BTBD7: variants seen among roughly 807,000 people sequenced by gnomAD.
BTBD7 encodes BTB/POZ domain-containing protein 7.
Under a neutral mutation model 99.9 loss-of-function variants are expected in BTBD7, and 38 were observed. That is an observed-to-expected ratio of 0.38 (90% CI 0.29 to 0.50). The LOEUF is 0.50. Among genes scored for constraint, BTBD7 ranks in the 20% least tolerant of loss-of-function variants. The pLI is 0.93. For synonymous variants in BTBD7, 520 were observed against 511.4 expected, an observed-to-expected ratio of 1.02 and a Z score of -0.23; for missense variants, 1,170 against 1,394.6, an observed-to-expected ratio of 0.84 and a Z score of 2.57.
intron 1 of BTBD7, 109 bp downstream of exon 1, chr14:93,332,711 G>A (rs1426383265): frequency 6.8e-6 from 9 of 1,322,306 alleles, no homozygotes; most frequent in South Asian, 1.9e-5. Flanking sequence ...CTTGGCCCCA[G>A]CCCCGGCGCC....
intron 5 of BTBD7, 37 bp from the exon 6 acceptor site, chr14:93,257,392 C>T: frequency 6.4e-7 from 1 of 1,570,952 alleles, no homozygotes; most frequent in Non-Finnish European, 8.6e-7. Context: ...CAACCAAATC[C>T]AAATGTTCTG....
At position 93,293,965 on chromosome 14, in the gene BTBD7, C is replaced by T; in HGVS notation, c.1055G>A (p.Ser352Asn). 5 of 1,613,776 alleles carry T rather than the reference C, an allele frequency of 3.1e-6. No individual in the cohort carries two copies. The highest frequency in any genetic ancestry group is 1.1e-5 in the South Asian group (1 of 91,070). Reference sequence around the variant, plus strand: ...CCCTGCGACGAGAGCCTGAACTTCACTGAGACTCCCCACAGAGGGGCTACA... The same window carrying T: ...CCCTGCGACGAGAGCCTGAACTTCATTGAGACTCCCCACAGAGGGGCTACA... ...LHCSPSVGSL[S>N]EVQALVAGKP... The change falls in exon 3 of 11, where the codon AGT becomes AAT. Residue 352 changes from serine (S) to asparagine (N), a missense_variant. Physicochemically the swap from Ser to Asn is conservative, Grantham distance 46. This residue lies in a region of BTBD7 where 359 missense variants were observed against 497.9 expected (regional missense o/e 0.72). Coordinates refer to ENST00000334746, the MANE Select transcript of BTBD7 (RefSeq NM_001002860.4).
At chr14:93,248,768 G>T in intron 8 of BTBD7, 114 bp from the exon 9 acceptor site, 1 of 968,774 alleles carries the variant, frequency 1.0e-6, no homozygotes, top group Non-Finnish European at 1.5e-6. Context: ...AAGTTTTTAA[G>T]ATAGTATCTT....
intron 1 of BTBD7, among the ~76,000 whole-genome samples, chr14:93,325,051 T>TGG: frequency 6.6e-6 from 1 of 152,012 alleles, no homozygotes; most frequent in South Asian, 2.1e-4. Context: ...AGTCTGGACT[T>TGG]TATCGACAAG....
chr14:93,316,653 T>C lies in BTBD7; in HGVS notation c.-107+16167A>G, dbSNP rs558751679. On this transcript the variant is annotated intron_variant, in intron 1 of 10. Coordinates refer to ENST00000334746, the MANE Select transcript of BTBD7 (RefSeq NM_001002860.4). ...TATTCACTGTTGTATCTCCAGTGCC[T>C]AGAACTGTGTCTGGCAAATATAGTA... 2.0e-5 allele frequency among the ~76,000 whole-genome samples: 3 copies of C among 152,378 alleles called. No individual in the cohort carries two copies. The South Asian group carries it at 6.2e-4, about 32-fold the overall frequency.
intron 1 of BTBD7, among the ~76,000 whole-genome samples, chr14:93,311,155 C>T (rs2053133343): frequency 6.6e-6 from 1 of 152,174 alleles, no homozygotes; most frequent in Non-Finnish European, 1.5e-5. Context: ...AATAGACTTA[C>T]ATCTATGTGA....
At chr14:93,288,681 A>G in intron 3 of BTBD7, 3 of 1,573,548 alleles carry the variant, frequency 1.9e-6, no homozygotes, top group Non-Finnish European at 1.7e-6. Context: ...TCTGCTGCAC[A>G]GGCAGGCCTG....
At chr14:93,326,180 G>A (rs545128120) in intron 1 of BTBD7, among the ~76,000 whole-genome samples, 1 of 152,278 alleles carries the variant, frequency 6.6e-6, no homozygotes, top group South Asian at 2.1e-4. Flanking sequence ...TTGAAATTAT[G>A]CCTCAGCTGG....
In BTBD7 at chr14:93,332,882, C is replaced by A; in HGVS notation, c.-169G>T. 1 of 1,454,412 alleles carries A rather than the reference C, an allele frequency of 6.9e-7. No individual in the cohort carries two copies. The highest frequency in any genetic ancestry group is 9.1e-7 in the Non-Finnish European group (1 of 1,101,408). 90.1% of individuals were successfully genotyped at this position (1,454,412 alleles called of 1,614,324 possible). The stretch of plus-strand genomic sequence containing the variant: ...ACCGCTGCCGTCGCCTCCGCCGCCG[C>A]CGCCACCAGCACCGCCGTCCGCACC... On this transcript the variant is annotated 5_prime_UTR_variant, in exon 1 of 11. Transcript: ENST00000334746.
intron 3 of BTBD7, among the ~76,000 whole-genome samples, chr14:93,276,632 G>A (rs2052659097): frequency 6.6e-6 from 1 of 152,170 alleles, no homozygotes; most frequent in Non-Finnish European, 1.5e-5. Context: ...CTATCTACCT[G>A]GAGAACATTA....
At chr14:93,326,361 G>C (rs2053331102) in intron 1 of BTBD7, among the ~76,000 whole-genome samples, 1 of 152,170 alleles carries the variant, frequency 6.6e-6, no homozygotes, top group Non-Finnish European at 1.5e-5. Context: ...CAGGTGCTCA[G>C]GAGGCTGAGG....
intron 1 of BTBD7, among the ~76,000 whole-genome samples, chr14:93,311,491 A>AT (rs2139804991): frequency 6.6e-6 from 1 of 152,340 alleles, no homozygotes; most frequent in African/African-American, 2.4e-5. Flanking sequence ...ATATACACAC[A>AT]TATCTACATA....
intron 1 of BTBD7, among the ~76,000 whole-genome samples, chr14:93,322,637 T>A (rs1359074514): frequency 1.3e-5 from 2 of 152,144 alleles, no homozygotes; most frequent in Non-Finnish European, 2.9e-5. Flanking sequence ...AATGAGTAAT[T>A]TTACAGATGT....
rs557014129 is a variant in BTBD7 at position 93,286,670 on chromosome 14, C to T, written c.1162+7188G>A. Among the ~76,000 whole-genome samples, 3 of 152,266 alleles carry T rather than the reference C, an allele frequency of 2.0e-5. No homozygotes were observed. In the South Asian group the frequency reaches 6.2e-4, roughly 32 times the overall value. On this transcript the variant is annotated intron_variant, in intron 3 of 10. Coordinates refer to ENST00000334746, the MANE Select transcript of BTBD7 (RefSeq NM_001002860.4). ...CTCCTACCATGCCCAAATTCCTGAG[C>T]CTAGAGTCAGAAGAGCTGGTATGAG...
chr14:93,317,030 T>TA (rs2053215288), intron 1 of BTBD7, among the ~76,000 whole-genome samples: 1 of 152,218 alleles, frequency 6.6e-6, no homozygotes, highest in Non-Finnish European at 1.5e-5. Context: ...TTTCCAAACT[T>TA]AATCACAGAA....
At chr14:93,302,353 G>A (rs1306339514) in intron 1 of BTBD7, among the ~76,000 whole-genome samples, 1 of 152,124 alleles carries the variant, frequency 6.6e-6, no homozygotes. Context: ...AAATGCTAGT[G>A]GGGGTGAGCT....
At chr14:93,284,275 C>T (rs1204692550) in intron 3 of BTBD7, among the ~76,000 whole-genome samples, 2 of 152,152 alleles carry the variant, frequency 1.3e-5, no homozygotes, top group Non-Finnish European at 2.9e-5. Context: ...GTTGATGAGA[C>T]AGGTTTTCTG....
chr14:93,295,345 G>A (rs1285548352), intron 2 of BTBD7, among the ~76,000 whole-genome samples: 1 of 152,014 alleles, frequency 6.6e-6, no homozygotes, highest in Non-Finnish European at 1.5e-5. Flanking sequence ...GGCTGGTCTT[G>A]AACTCCTGTC....
At chr14:93,281,716 A>G (rs2052722019) in intron 3 of BTBD7, among the ~76,000 whole-genome samples, 1 of 152,236 alleles carries the variant, frequency 6.6e-6, no homozygotes, top group East Asian at 1.9e-4. Context: ...ATGCACATAT[A>G]AAGATTTGTA....
Sources: gnomAD v4.1 joint callset for allele counts (sites outside exome capture counted in the v4.1 genomes callset) on GRCh38, gnomAD v4.1.1 for gene constraint, gnomAD v4.1.1 regional missense constraint, MANE v1.5 for transcripts, NCBI Gene and HGNC (gene_info 2026-07-23, HGNC 2026-07-21) for gene names.